The following CALM2 variants were observed in gnomAD, a reference collection of about 807,000 sequenced individuals.
The protein encoded by CALM2 is calmodulin-2.
A neutral mutation model predicts 19.8 loss-of-function variants in CALM2; 2 were observed. The ratio of observed to expected loss-of-function variants is 0.10; its 90% CI spans 0.04 to 0.32. The LOEUF is 0.32. Among genes scored for constraint, CALM2 ranks in the 10% least tolerant of loss-of-function variants. The pLI is 1.00. For synonymous variants in CALM2, 51 were observed against 52.1 expected, an observed-to-expected ratio of 0.98 and a Z score of 0.09; for missense variants, 38 against 178.7, an observed-to-expected ratio of 0.21 and a Z score of 4.49.
At chr2:47,161,922 TA>T (rs2103824012) in intron 4 of CALM2, 64 bp from the exon 5 acceptor site, 2 of 1,362,760 alleles carry the variant, frequency 1.5e-6, no homozygotes, top group East Asian at 4.7e-5. Context: ...AATGGAAATT[TA>T]TTAAGTTTAC....
In CALM2 at chr2:47,170,649, T is replaced by C. The variant is rs1666636101; in HGVS notation, c.34+85A>G. ...CCATGACATATACCAAAGTCAATTA[T>C]TTCATACAAGTCTCTTATTCTGACG... On this transcript the variant is annotated intron_variant, in intron 2 of 5. Transcript: ENST00000272298. 5.7e-6 allele frequency: 6 copies of C among 1,045,470 alleles called. No homozygotes were observed. In the East Asian group the frequency reaches 1.4e-4, roughly 25 times the overall value. The allele number at this position is 1,045,470 out of a possible 1,614,324, so 64.8% of individuals were successfully genotyped here.
intron 2 of CALM2, among the ~76,000 whole-genome samples, chr2:47,165,903 A>G (rs1230729585): frequency 6.6e-6 from 1 of 152,244 alleles, no homozygotes; most frequent in African/African-American, 2.4e-5. Context: ...TCATTTAAAT[A>G]CTGCCTGATT....
chr2:47,173,634 T>A (rs1349480774), intron 1 of CALM2: 2 of 152,224 alleles, frequency 1.3e-5, no homozygotes, highest in East Asian at 3.8e-4. Context: ...CTGTTGGAGT[T>A]TATCTAGTGA....
upstream of CALM2, chr2:47,176,749 C>A: frequency 7.3e-7 from 1 of 1,366,328 alleles, no homozygotes; most frequent in Non-Finnish European, 9.5e-7. Context: ...GCCGGTGGAG[C>A]GGCCCCTGAG....
At position 47,173,570 on chromosome 2, in the gene CALM2, C is replaced by T. The variant is rs1160612992; in HGVS notation, c.4-2806G>A. ...TTACATTAGTGACCTGAAGTGAATA[C>T]ATTATGTACCTATCAAACATTTCCT... is the stretch of plus-strand genomic sequence containing the variant. On this transcript the variant is annotated intron_variant, in intron 1 of 5. Transcript: ENST00000272298. 3 of 152,200 alleles carry T rather than the reference C, an allele frequency of 2.0e-5. No homozygotes were observed. In the East Asian group the frequency reaches 5.8e-4, roughly 29 times the overall value. The allele number at this position is 152,200 out of a possible 1,614,324, so 9.4% of individuals were successfully genotyped here.
chr2:47,175,737 T>G (rs1365266623), intron 1 of CALM2, among the ~76,000 whole-genome samples: 4 of 151,230 alleles, frequency 2.6e-5, no homozygotes, highest in Non-Finnish European at 5.9e-5. Flanking sequence ...ATCTCCGCAG[T>G]CCTGCAGGTG....
chr2:47,161,796 C>T lies in CALM2; in HGVS notation c.348G>A (p.Lys116=), dbSNP rs546507069. Residue 116 remains lysine, a synonymous_variant, in exon 5 of 6, where the codon AAG becomes AAA. Coordinates refer to ENST00000272298, the MANE Select transcript of CALM2 (RefSeq NM_001743.6). Reference sequence around the variant, plus strand: ...TTTCATCAACTTCTTCATCTGTTAACTTCTCTCCAAGGTTTGTCATCACAT... The same window carrying T: ...TTTCATCAACTTCTTCATCTGTTAATTTCTCTCCAAGGTTTGTCATCACAT... The part of the protein sequence containing the change: ...LRHVMTNLGE[K]LTDEEVDEMI... 8.7e-6 allele frequency: 14 copies of T among 1,613,412 alleles called. No homozygotes were observed. The African/African-American group carries it at 1.7e-4, about 20-fold the overall frequency.
intron 1 of CALM2, chr2:47,171,952 T>C (rs972092988): frequency 2.0e-5 from 3 of 147,188 alleles, no homozygotes; most frequent in African/African-American, 7.5e-5. Context: ...TCAACAATTT[T>C]TGTTTGACCA....
At chr2:47,170,609 C>T in intron 2 of CALM2, 125 bp downstream of exon 2, 1 of 788,040 alleles carries the variant, frequency 1.3e-6, no homozygotes, top group East Asian at 2.5e-5. Flanking sequence ...TTATATTATA[C>T]CCATATGTTA....
In CALM2 at chr2:47,160,530, C is replaced by A; in HGVS notation, c.*246G>T. Reference sequence around the variant, plus strand: ...CCAACTCCATCTAAGTTTAGATGTGCAGAAGGGCTTAGATATATCCAGAGT... The same window carrying A: ...CCAACTCCATCTAAGTTTAGATGTGAAGAAGGGCTTAGATATATCCAGAGT... On this transcript the variant is annotated 3_prime_UTR_variant, in exon 6 of 6. Coordinates refer to ENST00000272298, the MANE Select transcript of CALM2 (RefSeq NM_001743.6). The A allele has an allele frequency of 2.8e-6, 1 of 361,454 alleles. No individual in the cohort carries two copies. The highest frequency in any genetic ancestry group is 1.1e-4 in the South Asian group (1 of 9,034). The allele number at this position is 361,454 out of a possible 1,614,324, so 22.4% of individuals were successfully genotyped here.
At chr2:47,176,060 C>T (rs1447734344) in intron 1 of CALM2, among the ~76,000 whole-genome samples, 3 of 152,166 alleles carry the variant, frequency 2.0e-5, no homozygotes, top group African/African-American at 7.2e-5. Flanking sequence ...AATTCGCCCC[C>T]TGCTTGACCT....
rs368830165 is a variant in CALM2, at chr2:47,176,289, C to A, written c.3+152G>T. 19 of 881,728 alleles carry A rather than the reference C, an allele frequency of 2.2e-5. No individual in the cohort carries two copies. The East Asian group carries it at 3.8e-4, about 18-fold the overall frequency. 54.6% of individuals were successfully genotyped at this position (881,728 alleles called of 1,614,324 possible). A position where few individuals can be genotyped will look rare whatever the true frequency, so the allele number is the denominator to read the frequency against. On this transcript the variant is annotated intron_variant, in intron 1 of 5. Coordinates refer to ENST00000272298, the MANE Select transcript of CALM2 (RefSeq NM_001743.6). ...GGTGGGGGAGCACCTGCGACACAACCGTCGCCGGCATCCCTGGCCTCTTTC... is the reference window on the plus strand; with the variant it reads ...GGTGGGGGAGCACCTGCGACACAACAGTCGCCGGCATCCCTGGCCTCTTTC...
intron 2 of CALM2, among the ~76,000 whole-genome samples, chr2:47,170,002 G>A (rs1198538182): frequency 3.3e-5 from 5 of 150,004 alleles, no homozygotes; most frequent in Non-Finnish European, 7.4e-5. Context: ...GGAAAAAAAA[G>A]TTTCCCCAAC....
chr2:47,170,071 T>C (rs1026037336), intron 2 of CALM2, among the ~76,000 whole-genome samples: 1 of 152,168 alleles, frequency 6.6e-6, no homozygotes, highest in African/African-American at 2.4e-5. Context: ...TAATGTTCTA[T>C]GGCATGGCAT....
upstream of CALM2, chr2:47,176,748 G>T: frequency 7.3e-7 from 1 of 1,370,262 alleles, no homozygotes; most frequent in Non-Finnish European, 9.4e-7. Context: ...GGCCGGTGGA[G>T]CGGCCCCTGA....
At chr2:47,172,317 G>A (rs982394225) in intron 1 of CALM2, 4 of 406,408 alleles carry the variant, frequency 9.8e-6, no homozygotes, top group Non-Finnish European at 2.0e-5. Context: ...TCACAGGCCA[G>A]TATCCCAGCC....
At chr2:47,164,379 C>G (rs1573218323) in intron 2 of CALM2, among the ~76,000 whole-genome samples, 1 of 67,778 alleles carries the variant, frequency 1.5e-5, no homozygotes, top group Non-Finnish European at 3.1e-5. Context: ...CACACACACA[C>G]ACACACACGC....
In CALM2 at chr2:47,167,341, A is replaced by G. The variant is rs1200902726; in HGVS notation, c.34+3393T>C. The G allele has an allele frequency of 2.0e-5, 3 of 152,240 alleles. No individual in the cohort carries two copies. The East Asian group carries it at 5.8e-4, about 29-fold the overall frequency. 9.4% of individuals were successfully genotyped at this position (152,240 alleles called of 1,614,324 possible). Reference sequence around the variant, plus strand: ...ATGACATCATGGCAGAGTTATCAACAAAATGAAATTGTTAGTGATGTCATA... The same window carrying G: ...ATGACATCATGGCAGAGTTATCAACGAAATGAAATTGTTAGTGATGTCATA... On this transcript the variant is annotated intron_variant, in intron 2 of 5. Coordinates refer to ENST00000272298, the MANE Select transcript of CALM2 (RefSeq NM_001743.6).
At chr2:47,168,328 C>A (rs1367410400) in intron 2 of CALM2, among the ~76,000 whole-genome samples, 9 of 152,046 alleles carry the variant, frequency 5.9e-5, no homozygotes, top group Non-Finnish European at 1.3e-4. Flanking sequence ...CCCTCTACTC[C>A]CATTGGAAAC....
Sources: allele counts gnomAD v4.1 joint callset (sites outside exome capture counted in the v4.1 genomes callset), GRCh38; gene constraint gnomAD v4.1.1; transcripts MANE v1.5; gene names NCBI Gene and HGNC (gene_info 2026-07-23, HGNC 2026-07-21).